BMP6: variants seen among roughly 807,000 people sequenced by gnomAD.
The protein encoded by BMP6 is bone morphogenetic protein 6, also known as VG-1-R.
In BMP6, 17 loss-of-function variants were observed where a neutral mutation model predicts 54.1. The ratio of observed to expected loss-of-function variants is 0.31; its 90% confidence interval spans 0.22 to 0.47. The LOEUF is 0.47. Ranked by LOEUF, BMP6 falls within the 20% of genes least tolerant of loss-of-function variation. BMP6 has a pLI of 1.00. For missense variants in BMP6, 720 were observed against 690.4 expected (o/e 1.04, Z -0.48); for synonymous variants, 328 against 291.2 (o/e 1.13, Z -1.28).
intron 1 of BMP6, among the ~76,000 whole-genome samples, chr6:7,801,866 A>G (rs952296614): frequency 6.6e-6 from 1 of 152,212 alleles, no homozygotes; most frequent in Admixed American, 6.5e-5. Context: ...CAACGGCCTG[A>G]TATCAAGCAA....
intron 1 of BMP6, among the ~76,000 whole-genome samples, chr6:7,808,812 G>A (rs1758391586): frequency 1.3e-5 from 2 of 150,318 alleles, no homozygotes; most frequent in Admixed American, 6.7e-5. Context: ...TACTCAGGAG[G>A]CTAAAGCAGA....
intron 1 of BMP6, among the ~76,000 whole-genome samples, chr6:7,735,673 G>A (rs537283301): frequency 6.6e-6 from 1 of 152,202 alleles, no homozygotes; most frequent in East Asian, 1.9e-4. Flanking sequence ...TGCCCCACAG[G>A]TGCACAGACT....
rs541231642 is a variant in BMP6 at position 7,747,081 on chromosome 6, C to T, written c.664+19462C>T. On this transcript the variant is annotated intron_variant, in intron 1 of 6. Transcript: ENST00000283147. ...TGGCTCTTAAGAAAGTTTTATTTAC[C>T]GAGGACAATCCGCAAAACTTCATTA... is the stretch of plus-strand genomic sequence containing the variant. 2.0e-4 allele frequency among the ~76,000 whole-genome samples: 31 copies of T among 152,252 alleles called. No homozygotes were observed. In the South Asian group the frequency reaches 4.1e-3, roughly 20 times the overall value.
intron 4 of BMP6, among the ~76,000 whole-genome samples, chr6:7,869,885 G>A (rs1274126760): frequency 6.6e-6 from 1 of 152,232 alleles, no homozygotes; most frequent in Admixed American, 6.5e-5. Flanking sequence ...GAAGATGCTA[G>A]AGGACAGAGA....
intron 1 of BMP6, among the ~76,000 whole-genome samples, chr6:7,833,156 T>C (rs1758816925): frequency 6.6e-6 from 1 of 152,160 alleles, no homozygotes; most frequent in Non-Finnish European, 1.5e-5. Context: ...AGAATGATGC[T>C]GTCCAGTAGA....
At chr6:7,879,290 C>A in intron 5 of BMP6, 140 bp downstream of exon 5, 1 of 880,926 alleles carries the variant, frequency 1.1e-6, no homozygotes, top group Non-Finnish European at 1.8e-6. Context: ...AGGAGCCCTC[C>A]CAAATGCTCA....
intron 1 of BMP6, among the ~76,000 whole-genome samples, chr6:7,826,259 C>A (rs573424308): frequency 6.6e-6 from 1 of 152,304 alleles, no homozygotes; most frequent in Non-Finnish European, 1.5e-5. Context: ...CGCTTCTAGT[C>A]AAGTTTCTTC....
intron 2 of BMP6, among the ~76,000 whole-genome samples, chr6:7,852,891 C>T (rs1759168237): frequency 6.6e-6 from 1 of 152,184 alleles, no homozygotes; most frequent in Non-Finnish European, 1.5e-5. Context: ...AGAAGTGACC[C>T]AGGCTTCTAT....
intron 1 of BMP6, among the ~76,000 whole-genome samples, chr6:7,798,272 T>A (rs1454163098): frequency 6.6e-6 from 1 of 152,144 alleles, no homozygotes; most frequent in Non-Finnish European, 1.5e-5. Flanking sequence ...TTGCCATGAG[T>A]CACAAAGCAG....
In BMP6 at chr6:7,853,750, G is replaced by A. The variant is rs114334612; in HGVS notation, c.858-7701G>A. On this transcript the variant is annotated intron_variant, in intron 2 of 6. Coordinates refer to ENST00000283147, the MANE Select transcript of BMP6 (RefSeq NM_001718.6). ...GATAATCTCTGGCTCCCTCTGTGTG[G>A]GCCTCGAGAGGCAAGCAGTGAGCTT... Among the ~76,000 whole-genome samples the A allele has an allele frequency of 8.4e-3, 1,284 of 152,170 alleles. 10 individuals are homozygous for A. Among genetic ancestry groups the A allele is most frequent in the Middle Eastern group, 0.017 (5 of 294 alleles).
At position 7,862,398 on chromosome 6, in the gene BMP6, G is replaced by C. The variant is rs17557; in HGVS notation, c.1104G>C (p.Val368=). Residue 368 remains valine (V), a synonymous_variant, in exon 4 of 7, where the codon GTG becomes GTC. Coordinates refer to ENST00000283147, the MANE Select transcript of BMP6 (RefSeq NM_001718.6). ...TGGCTTTCTTCAAAGTGAGTGAGGT[G>C]CACGTGCGCACCACCAGGTCAGCCT... is the stretch of plus-strand genomic sequence containing the variant. ...FMVAFFKVSE[V]HVRTTRSASS... The C allele has an allele frequency of 0.42, 671,866 of 1,613,878 alleles. 149,286 individuals carry two copies. Among genetic ancestry groups the C allele is most frequent in the East Asian group, 0.76 (33,968 of 44,860 alleles).
chr6:7,795,179 G>A (rs1758174490), intron 1 of BMP6, among the ~76,000 whole-genome samples: 1 of 152,158 alleles, frequency 6.6e-6, no homozygotes, highest in African/African-American at 2.4e-5. Context: ...CCCCATGTCT[G>A]TAACCTTTCA....
Position 7,845,270 on chromosome 6 carries a change from G to A in BMP6, c.795G>A (p.Gly265=). The A allele has an allele frequency of 6.2e-7, 1 of 1,614,150 alleles. No homozygotes were observed. The highest frequency in any genetic ancestry group is 8.5e-7 in the Non-Finnish European group (1 of 1,179,996). ...EFRIYKDCVM[G]SFKNQTFLIS... ...GCATCTACAAGGACTGTGTTATGGG[G>A]AGTTTTAAAAACCAAACTTTTCTTA... is the stretch of plus-strand genomic sequence containing the variant. The change falls in exon 2 of 7, where the codon GGG becomes GGA. Residue 265 remains glycine, a synonymous_variant. Coordinates refer to ENST00000283147, the MANE Select transcript of BMP6 (RefSeq NM_001718.6).
intron 1 of BMP6, among the ~76,000 whole-genome samples, chr6:7,739,181 CCT>C (rs1432852504): frequency 6.6e-6 from 1 of 151,966 alleles, no homozygotes; most frequent in Non-Finnish European, 1.5e-5. Flanking sequence ...TTGTGGTGAC[CCT>C]GTCAGCATTT....
At chr6:7,756,679 A>G (rs1757519803) in intron 1 of BMP6, among the ~76,000 whole-genome samples, 1 of 152,192 alleles carries the variant, frequency 6.6e-6, no homozygotes, top group Admixed American at 6.5e-5. Context: ...TCTTCTGTGC[A>G]ACGAAGTAAC....
chr6:7,858,517 T>C (rs1368951011), intron 2 of BMP6, among the ~76,000 whole-genome samples: 1 of 152,162 alleles, frequency 6.6e-6, no homozygotes, highest in African/African-American at 2.4e-5. Context: ...GACAGTACTT[T>C]CAGCCTCTGC....
chr6:7,837,997 T>C (rs553799138), intron 1 of BMP6, among the ~76,000 whole-genome samples: 22 of 152,088 alleles, frequency 1.4e-4, no homozygotes, highest in Non-Finnish European at 2.9e-5. Context: ...GGAAGTATAT[T>C]ACTTCTTGAA....
chr6:7,766,476 G>C (rs1757689950), intron 1 of BMP6, among the ~76,000 whole-genome samples: 2 of 152,250 alleles, frequency 1.3e-5, no homozygotes, highest in South Asian at 4.1e-4. Context: ...AAATTAACCA[G>C]ATGTGGTGGT....
chr6:7,793,167 C>T (rs774701536), intron 1 of BMP6, among the ~76,000 whole-genome samples: 2 of 152,054 alleles, frequency 1.3e-5, no homozygotes, highest in African/African-American at 2.4e-5. Context: ...CAAACTGGCA[C>T]ATCCAGACGA....
Sources: gnomAD v4.1 joint callset for allele counts (sites outside exome capture counted in the v4.1 genomes callset) on GRCh38, gnomAD v4.1.1 for gene constraint, MANE v1.5 for transcripts, NCBI Gene and HGNC (gene_info 2026-07-23, HGNC 2026-07-21) for gene names.